Variants in PHIP observed in about 807,000 individuals in gnomAD.
The protein encoded by PHIP is PHIP subunit of CUL4-Ring ligase complex, also known as PH-interacting protein.
PHIP carries 54 observed loss-of-function variants against 236.8 expected under a neutral mutation model. That is an observed-to-expected ratio of 0.23 (90% CI 0.18 to 0.29). PHIP has a LOEUF of 0.29. Among genes scored for constraint, PHIP ranks in the 10% least tolerant of loss-of-function variants. The pLI is 1.00. For synonymous variants in PHIP, 756 were observed against 718.9 expected, an observed-to-expected ratio of 1.05 and a Z score of -0.83; for missense variants, 1,370 against 2,190.8, an observed-to-expected ratio of 0.63 and a Z score of 7.48.
rs773589924 is a variant in PHIP, at chr6:78,982,917, T to G, written c.2738A>C (p.Lys913Thr). ...NEEKDGPISP[K>T]KKKPKERKQK... ...TTTTCTTTCTTTGGGCTTCTTTTTC[T>G]TTGGTGATATTGGTCCATCTTTTTC... Residue 913 changes from lysine to threonine, a missense_variant, in exon 23 of 40, where the codon AAG becomes ACG. Lys to Thr is a moderately conservative substitution (Grantham distance 78). Transcript: ENST00000275034. 1.3e-6 allele frequency: 2 copies of G among 1,571,720 alleles called. No individual in the cohort carries two copies. Among genetic ancestry groups the G allele is most frequent in the African/African-American group, 2.8e-5 (2 of 72,404 alleles).
intron 23 of PHIP, among the ~76,000 whole-genome samples, chr6:78,980,973 G>C (rs1395502171): frequency 6.6e-6 from 1 of 151,906 alleles, no homozygotes; most frequent in East Asian, 1.9e-4. Flanking sequence ...TATTAAATAA[G>C]AATAATCATA....
chr6:78,988,030 T>C (rs1453844521), intron 21 of PHIP, among the ~76,000 whole-genome samples, 179 bp downstream of exon 21: 4 of 152,220 alleles, frequency 2.6e-5, no homozygotes, highest in African/African-American at 2.4e-5. Context: ...TTTGAAATTA[T>C]GTGTATGTGT....
At chr6:78,946,284 G>A in intron 37 of PHIP, 24 bp from the exon 38 acceptor site, 1 of 1,600,980 alleles carries the variant, frequency 6.2e-7, no homozygotes. Flanking sequence ...AGTATTGTCA[G>A]TCACTCTTAT....
chr6:78,965,935 A>G lies in PHIP; in HGVS notation c.3317+10T>C. 6.4e-7 allele frequency: 1 copy of G among 1,573,844 alleles called. No individual in the cohort carries two copies. Among genetic ancestry groups the G allele is most frequent in the South Asian group, 1.1e-5 (1 of 90,168 alleles). On this transcript the variant is annotated intron_variant, in intron 28 of 39. Transcript: ENST00000275034. ...CTAGGTGAACTAAAATACAACAAATATTTCCTTACCAAACATTGTAGCATT... is the reference window on the plus strand; with the variant it reads ...CTAGGTGAACTAAAATACAACAAATGTTTCCTTACCAAACATTGTAGCATT...
At chr6:79,068,047 G>C (rs1773711568) in intron 4 of PHIP, 1 of 157,686 alleles carries the variant, frequency 6.3e-6, no homozygotes, top group African/African-American at 2.4e-5. Flanking sequence ...GGAAGGTATT[G>C]TTAAAAGGCA....
intron 7 of PHIP, among the ~76,000 whole-genome samples, chr6:79,034,758 G>C (rs1489452168): frequency 6.6e-6 from 1 of 152,094 alleles, no homozygotes; most frequent in Admixed American, 6.6e-5. Flanking sequence ...CAATTAGAGA[G>C]GACAATTCTG....
rs1249241221 is a variant in PHIP at position 79,077,847 on chromosome 6, C to A, written c.99+8G>T. The A allele has an allele frequency of 3.4e-6, 5 of 1,485,956 alleles. No homozygotes were observed. Among genetic ancestry groups the A allele is most frequent in the Admixed American group, 2.2e-5 (1 of 44,504 alleles). The allele number at this position is 1,485,956 out of a possible 1,614,324, so 92.0% of individuals were successfully genotyped here. A position where few individuals can be genotyped will look rare whatever the true frequency, so the allele number is the denominator to read the frequency against. ...CGCCGGCCCGGCCCGCGCCGCGCGC[C>A]GCCGTACCTGAGCCGCCTGCTGACA... On this transcript the variant is annotated splice_region_variant and intron_variant, in intron 2 of 39. Transcript: ENST00000275034.
At chr6:79,054,056 A>C (rs1772938003) in intron 6 of PHIP, among the ~76,000 whole-genome samples, 1 of 151,936 alleles carries the variant, frequency 6.6e-6, no homozygotes, top group African/African-American at 2.4e-5. Flanking sequence ...AGAGGAAAAA[A>C]TAAATAAATA....
chr6:78,948,906 T>A (rs1165615671), intron 35 of PHIP, among the ~76,000 whole-genome samples: 1 of 152,222 alleles, frequency 6.6e-6, no homozygotes, highest in African/African-American at 2.4e-5. Flanking sequence ...ATGAAGAAGG[T>A]GTCCTATAAG....
intron 21 of PHIP, 82 bp from the exon 22 acceptor site, chr6:78,985,510 TATA>T (rs1322175807): frequency 3.7e-6 from 3 of 803,688 alleles, no homozygotes; most frequent in Admixed American, 3.6e-5. Context: ...AGTGATATCT[TATA>T]ATATCAGTCA....
At position 79,008,374 on chromosome 6, in the gene PHIP, T is replaced by C. The variant is rs186753955; in HGVS notation, c.1525-4516A>G. ...ATTACATAAAATGAAAAAAAAATTA[T>C]TATATAAAAGTGATTCTGAAAAATC... is the stretch of plus-strand genomic sequence containing the variant. On this transcript the variant is annotated intron_variant, in intron 15 of 39. Transcript: ENST00000275034. 4.4e-3 allele frequency among the ~76,000 whole-genome samples: 674 copies of C among 152,124 alleles called. 5 individuals are homozygous for C. Among genetic ancestry groups the C allele is most frequent in the Non-Finnish European group, 6.8e-3 (460 of 67,992 alleles).
intron 37 of PHIP, 179 bp from the exon 38 acceptor site, chr6:78,946,439 GT>G (rs1773822532): frequency 7.1e-7 from 1 of 1,404,128 alleles, no homozygotes. Context: ...AAGGATCGCT[GT>G]AAATGCTAAA....
At chr6:78,993,523 T>C (rs1769408581) in intron 19 of PHIP, among the ~76,000 whole-genome samples, 1 of 152,228 alleles carries the variant, frequency 6.6e-6, no homozygotes, top group East Asian at 1.9e-4. Context: ...TTGAAGCTAA[T>C]GCTCATTTAT....
chr6:78,986,171 G>A (rs1768856880), intron 21 of PHIP, among the ~76,000 whole-genome samples: 1 of 152,036 alleles, frequency 6.6e-6, no homozygotes, highest in Non-Finnish European at 1.5e-5. Flanking sequence ...TAAAACAGCT[G>A]TCCCATATAA....
chr6:79,025,644 A>C, intron 8 of PHIP, 25 bp from the exon 9 acceptor site: 2 of 1,423,466 alleles, frequency 1.4e-6, no homozygotes, highest in Non-Finnish European at 2.0e-6. Context: ...ACAGAAAAAA[A>C]ATCTTTACAA....
intron 7 of PHIP, 21 bp from the exon 8 acceptor site, chr6:79,026,185 T>G (rs779964600): frequency 6.6e-7 from 1 of 1,509,342 alleles, no homozygotes; most frequent in Non-Finnish European, 9.2e-7. Context: ...GAATGGATAT[T>G]AATAGAATTA....
chr6:79,037,401 G>T (rs1316135113), intron 7 of PHIP, among the ~76,000 whole-genome samples: 1 of 152,142 alleles, frequency 6.6e-6, no homozygotes, highest in Non-Finnish European at 1.5e-5. Flanking sequence ...AGAACACAAC[G>T]TCAACACATC....
intron 6 of PHIP, among the ~76,000 whole-genome samples, chr6:79,050,599 T>A (rs781255635): frequency 2.6e-5 from 4 of 152,206 alleles, no homozygotes; most frequent in Non-Finnish European, 5.9e-5. Flanking sequence ...TTTTCCAAAC[T>A]TTCTCTATAG....
rs1774291415 is a variant in PHIP, at chr6:79,078,174, G to A, written c.-106C>T. The A allele has an allele frequency of 2.7e-6, 3 of 1,126,254 alleles. No homozygotes were observed. Among genetic ancestry groups the A allele is most frequent in the Non-Finnish European group, 3.8e-6 (3 of 784,230 alleles). 69.8% of individuals were successfully genotyped at this position (1,126,254 alleles called of 1,614,324 possible). Reference sequence around the variant, plus strand: ...AGCTGTCAGTGTGTGTTCACGAGCCGAGCTTCGGCTCCACCATTCAAGCAA... The same window carrying A: ...AGCTGTCAGTGTGTGTTCACGAGCCAAGCTTCGGCTCCACCATTCAAGCAA... On this transcript the variant is annotated 5_prime_UTR_variant, in exon 1 of 40. Transcript: ENST00000275034.
Sources: allele counts gnomAD v4.1 joint callset (sites outside exome capture counted in the v4.1 genomes callset), GRCh38; gene constraint gnomAD v4.1.1; transcripts MANE v1.5; gene names NCBI Gene and HGNC (gene_info 2026-07-23, HGNC 2026-07-21).